The following CWC27 variants were observed in gnomAD, a reference collection of about 807,000 sequenced individuals.
The protein encoded by CWC27 is spliceosome-associated protein CWC27 homolog.
A neutral mutation model predicts 63.6 loss-of-function variants in CWC27; 47 were observed. The ratio of observed to expected loss-of-function variants is 0.74; its 90% confidence interval spans 0.58 to 0.94. The LOEUF is 0.94. CWC27 is among the 40% of genes least tolerant of loss of function. CWC27 has a pLI of 0.00. For synonymous variants in CWC27, 175 were observed against 179.8 expected (o/e 0.97, Z 0.22); for missense variants, 495 against 554.3 (o/e 0.89, Z 1.07).
At chr5:64,799,501 G>T (rs191712019) in intron 7 of CWC27, among the ~76,000 whole-genome samples, 5 of 151,072 alleles carry the variant, frequency 3.3e-5, no homozygotes, top group African/African-American at 1.2e-4. Context: ...CAGGAGGATC[G>T]CTTGAACCCC....
intron 10 of CWC27, among the ~76,000 whole-genome samples, chr5:64,844,117 A>C (rs547789070): frequency 1.3e-5 from 2 of 151,844 alleles, no homozygotes; most frequent in African/African-American, 4.9e-5. Flanking sequence ...GTCAAGCACA[A>C]CACCAGATGG....
At chr5:64,847,684 G>C (rs1746026036) in intron 10 of CWC27, among the ~76,000 whole-genome samples, 2 of 152,182 alleles carry the variant, frequency 1.3e-5, no homozygotes, top group South Asian at 4.1e-4. Flanking sequence ...TATATTTTCT[G>C]ACCACAATGA....
intron 10 of CWC27, among the ~76,000 whole-genome samples, chr5:64,883,307 A>G (rs2112340355): frequency 9.6e-6 from 1 of 104,022 alleles, no homozygotes; most frequent in South Asian, 3.3e-4. Context: ...ATACCATATC[A>G]GTATTAAATT....
intron 11 of CWC27, among the ~76,000 whole-genome samples, chr5:64,937,091 A>G (rs1056151062): frequency 6.6e-6 from 1 of 151,744 alleles, no homozygotes; most frequent in Non-Finnish European, 1.5e-5. Flanking sequence ...TTGTGTCTCT[A>G]TCTCTTTCAG....
chr5:64,952,954 G>A (rs1748739253), intron 11 of CWC27, among the ~76,000 whole-genome samples: 1 of 152,006 alleles, frequency 6.6e-6, no homozygotes, highest in African/African-American at 2.4e-5. Flanking sequence ...TACGTTTTTT[G>A]TACTTTCCAT....
intron 7 of CWC27, among the ~76,000 whole-genome samples, chr5:64,797,501 T>A (rs1360513972): frequency 6.6e-6 from 1 of 152,164 alleles, no homozygotes; most frequent in Non-Finnish European, 1.5e-5. Context: ...TTAGTTAAAA[T>A]TTGAAATGGT....
chr5:64,783,903 A>T lies in CWC27; in HGVS notation c.320A>T (p.His107Leu), dbSNP rs758342846. The T allele has an allele frequency of 1.9e-6, 3 of 1,608,180 alleles. No homozygotes were observed. In the South Asian group the frequency reaches 3.3e-5, roughly 18 times the overall value. The part of the protein sequence containing the change: ...GLVAMANAGS[H>L]DNGSQFFFTL... ...GTTGCCATGGCAAATGCTGGTTCTCATGATAATGGCAGCCAGTTTTTCTTC... is the reference window on the plus strand; with the variant it reads ...GTTGCCATGGCAAATGCTGGTTCTCTTGATAATGGCAGCCAGTTTTTCTTC... The change falls in exon 4 of 14, where the codon CAT becomes CTT. Residue 107 changes from histidine to leucine, a missense_variant. This residue lies in a region of CWC27 where 463 missense variants were observed against 498.1 expected (regional missense o/e 0.93). Coordinates refer to ENST00000381070, the MANE Select transcript of CWC27 (RefSeq NM_005869.4).
At chr5:64,910,792 G>T (rs1747769955) in intron 11 of CWC27, among the ~76,000 whole-genome samples, 1 of 152,210 alleles carries the variant, frequency 6.6e-6, no homozygotes, top group Admixed American at 6.5e-5. Flanking sequence ...TGTGCCATTT[G>T]CTAAGACCTT....
At chr5:64,775,080 T>C (rs1743394665) in intron 2 of CWC27, among the ~76,000 whole-genome samples, 1 of 152,240 alleles carries the variant, frequency 6.6e-6, no homozygotes, top group Non-Finnish European at 1.5e-5. Flanking sequence ...AATTTGGGTA[T>C]TCCCTAAGAT....
chr5:64,790,790 A>G (rs1258270587), intron 7 of CWC27, among the ~76,000 whole-genome samples: 2 of 152,148 alleles, frequency 1.3e-5, no homozygotes, highest in African/African-American at 2.4e-5. Flanking sequence ...TCTGCTAACT[A>G]TACTATTTAT....
At chr5:64,889,704 C>T (rs987663692) in intron 11 of CWC27, among the ~76,000 whole-genome samples, 5 of 152,222 alleles carry the variant, frequency 3.3e-5, no homozygotes, top group Admixed American at 6.5e-5. Flanking sequence ...ATAGAATTTG[C>T]AGTAGGCTCT....
chr5:64,973,047 G>T (rs1360906539), intron 12 of CWC27, among the ~76,000 whole-genome samples: 2 of 152,176 alleles, frequency 1.3e-5, no homozygotes, highest in Non-Finnish European at 2.9e-5. Flanking sequence ...GAGACAGCCA[G>T]GTAGAGGCAG....
intron 11 of CWC27, among the ~76,000 whole-genome samples, chr5:64,910,821 G>A (rs1010437891): frequency 3.9e-5 from 6 of 152,174 alleles, no homozygotes; most frequent in Admixed American, 3.9e-4. Context: ...TGCAGTATTT[G>A]GGCAGGAGTG....
chr5:64,911,966 T>C (rs1348860819), intron 11 of CWC27, among the ~76,000 whole-genome samples: 2 of 150,450 alleles, frequency 1.3e-5, no homozygotes, highest in South Asian at 2.1e-4. Context: ...CCCAGCTACT[T>C]GGGAGGCTGA....
chr5:64,860,474 T>C (rs1243752183), intron 10 of CWC27, among the ~76,000 whole-genome samples: 1 of 152,186 alleles, frequency 6.6e-6, no homozygotes, highest in Non-Finnish European at 1.5e-5. Flanking sequence ...GTGATAGATA[T>C]CAGGATAAAG....
intron 6 of CWC27, 29 bp downstream of exon 6, chr5:64,786,656 G>A: frequency 1.5e-6 from 2 of 1,351,108 alleles, no homozygotes; most frequent in Non-Finnish European, 2.0e-6. Context: ...TTTTTCTTCA[G>A]CTTGAAAAAT....
chr5:64,785,678 T>C (rs1743858846), intron 5 of CWC27, 99 bp downstream of exon 5: 1 of 669,382 alleles, frequency 1.5e-6, no homozygotes, highest in Non-Finnish European at 2.5e-6. Flanking sequence ...CTTTATACTA[T>C]GTTAACATCA....
chr5:65,010,876 A>G (rs2112473956), intron 13 of CWC27, among the ~76,000 whole-genome samples: 1 of 152,346 alleles, frequency 6.6e-6, no homozygotes, highest in South Asian at 2.1e-4. Context: ...TAATTGCTCA[A>G]TGATTTGGAA....
intron 11 of CWC27, among the ~76,000 whole-genome samples, chr5:64,966,237 C>A (rs1431507): frequency 6.6e-6 from 1 of 151,676 alleles, no homozygotes; most frequent in African/African-American, 2.4e-5. Flanking sequence ...AAGAAATTCC[C>A]TTATATGAAA....
Sources: gnomAD v4.1 joint callset for allele counts (sites outside exome capture counted in the v4.1 genomes callset) on GRCh38, gnomAD v4.1.1 for gene constraint, gnomAD v4.1.1 regional missense constraint, MANE v1.5 for transcripts, NCBI Gene and HGNC (gene_info 2026-07-23, HGNC 2026-07-21) for gene names.